HSPG2: variants seen among roughly 807,000 people sequenced by gnomAD.
The protein encoded by HSPG2 is basement membrane-specific heparan sulfate proteoglycan core protein.
HSPG2 carries 278 observed loss-of-function variants against 526.6 expected under a neutral mutation model. The observed-to-expected ratio is 0.53, with a 90% CI of 0.48 to 0.58. HSPG2 has a LOEUF of 0.58. Ranked by LOEUF, HSPG2 falls within the 20% of genes least tolerant of loss-of-function variation. The probability of loss-of-function intolerance (pLI) is 0.00; values close to 1 mark genes in which losing one functional copy is unlikely to be tolerated. For missense variants in HSPG2, 5,354 were observed against 6,099.5 expected (o/e 0.88, Z 4.07); for synonymous variants, 2,465 against 2,555.4 (o/e 0.96, Z 1.07).
chr1:21,865,573 G>C lies in HSPG2; in HGVS notation c.4314+144C>G, dbSNP rs1450490092. 1 of 875,600 alleles carries C rather than the reference G, an allele frequency of 1.1e-6. No homozygotes were observed. The highest frequency in any genetic ancestry group is 1.9e-6 in the Non-Finnish European group (1 of 522,196). The allele number at this position is 875,600 out of a possible 1,614,324, so 54.2% of individuals were successfully genotyped here. On this transcript the variant is annotated intron_variant, in intron 34 of 96. Transcript: ENST00000374695. This position sits in a 1 kb window ranked among gnomAD's most constrained non-coding sequence, Gnocchi z 5.4. ...TGCTTGGGTAGTGTCCAACCAGGCA[G>C]GGATGTGGGGGCATGGGCCTAACTC...
Position 21,855,965 on chromosome 1 carries a change from T to C in HSPG2, c.5576-53A>G, listed in dbSNP as rs1203880410. Reference sequence around the variant, plus strand: ...CTCAGGGTGGGGAGTGTCGTCTGACTCACACAACAGTCCTGCTGCCTACTT... The same window carrying C: ...CTCAGGGTGGGGAGTGTCGTCTGACCCACACAACAGTCCTGCTGCCTACTT... On this transcript the variant is annotated intron_variant, in intron 44 of 96. Transcript: ENST00000374695. 2.5e-6 allele frequency: 4 copies of C among 1,596,408 alleles called. No individual in the cohort carries two copies. In the Admixed American group the frequency reaches 6.7e-5, roughly 27 times the overall value.
At chr1:21,930,739 A>C (rs1439689901) in intron 1 of HSPG2, among the ~76,000 whole-genome samples, 1 of 151,534 alleles carries the variant, frequency 6.6e-6, no homozygotes, top group Non-Finnish European at 1.5e-5. Flanking sequence ...ATACCACTGC[A>C]CTCTAGCCTG....
chr1:21,927,295 G>A (rs1191100714), intron 1 of HSPG2, among the ~76,000 whole-genome samples: 1 of 152,176 alleles, frequency 6.6e-6, no homozygotes, highest in Non-Finnish European at 1.5e-5. Flanking sequence ...CTACCCAACA[G>A]CCCAAGCCCA....
At position 21,828,821 on chromosome 1, in the gene HSPG2, G is replaced by C; in HGVS notation, c.12237+14C>G. The stretch of plus-strand genomic sequence containing the variant: ...CCCCTCCCCTCCCGCTTGTCCCGAG[G>C]AGGCTGCTCTTACCTCGCCCACACA... On this transcript the variant is annotated intron_variant, in intron 88 of 96. Coordinates refer to ENST00000374695, the MANE Select transcript of HSPG2 (RefSeq NM_005529.7). This position sits in a 1 kb window ranked among gnomAD's most constrained non-coding sequence, Gnocchi z 6.0. The C allele has an allele frequency of 1.3e-6, 2 of 1,550,522 alleles. No individual in the cohort carries two copies. The highest frequency in any genetic ancestry group is 1.7e-6 in the Non-Finnish European group (2 of 1,146,940).
At chr1:21,826,435 C>T (rs1572136268) in intron 91 of HSPG2, among the ~76,000 whole-genome samples, 2 of 152,000 alleles carry the variant, frequency 1.3e-5, no homozygotes, top group East Asian at 3.9e-4. Flanking sequence ...AACTCCTGGG[C>T]TCAAGCAATC....
chr1:21,909,511 A>G (rs1390232461), intron 1 of HSPG2, among the ~76,000 whole-genome samples: 2 of 152,252 alleles, frequency 1.3e-5, no homozygotes, highest in Non-Finnish European at 2.9e-5. Context: ...AAAAAGCACA[A>G]CTATCCCTGA....
At chr1:21,874,110 C>CA in intron 28 of HSPG2, 99 bp from the exon 29 acceptor site, 1 of 994,136 alleles carries the variant, frequency 1.0e-6, no homozygotes, top group South Asian at 1.5e-5. Flanking sequence ...GAAGAACAGG[C>CA]ATGTGAACTC....
In HSPG2 at chr1:21,832,503, G is replaced by A. The variant is rs150968006; in HGVS notation, c.11199C>T (p.Pro3733=). 6.8e-6 allele frequency: 11 copies of A among 1,613,804 alleles called. No individual in the cohort carries two copies. The highest frequency in any genetic ancestry group is 2.7e-5 in the African/African-American group (2 of 74,912). The change falls in exon 81 of 97, where the codon CCC becomes CCT. Residue 3733 remains proline, a synonymous_variant. Coordinates refer to ENST00000374695, the MANE Select transcript of HSPG2 (RefSeq NM_005529.7). The stretch of plus-strand genomic sequence containing the variant: ...GAGGCTGGGGGTCTCACCGGAACTC[G>A]GGCCTTCCCCCCACGAGGCCGAAGG... ...FISFGLVGGR[P]EFRFDAGSGM...
rs1557771292 is a variant in HSPG2 at position 21,879,004 on chromosome 1, C to A, written c.2461G>T (p.Ala821Ser). 6.2e-7 allele frequency: 1 copy of A among 1,613,884 alleles called. No homozygotes were observed. ...CRPCPCPYID[A>S]SRRFSDTCFL... Reference sequence around the variant, plus strand: ...GGAGCTGGGGCTGACCTGCGGGAGGCATCGATGTATGGGCAAGGGCAGGGC... The same window carrying A: ...GGAGCTGGGGCTGACCTGCGGGAGGAATCGATGTATGGGCAAGGGCAGGGC... The change falls in exon 18 of 97, where the codon GCC (alanine) becomes TCC (serine). Residue 821 changes from alanine to serine, a missense_variant. By Grantham distance (99) the Ala-to-Ser change is moderately conservative (BLOSUM62 1). Coordinates refer to ENST00000374695, the MANE Select transcript of HSPG2 (RefSeq NM_005529.7).
chr1:21,900,485 A>G (rs1361197241), intron 1 of HSPG2, among the ~76,000 whole-genome samples: 1 of 152,142 alleles, frequency 6.6e-6, no homozygotes, highest in Admixed American at 6.5e-5. Flanking sequence ...TCCAGGTCCA[A>G]GTTGTGTCAT....
chr1:21,874,569 C>T (rs753642989), intron 27 of HSPG2, 36 bp from the exon 28 acceptor site: 1 of 1,613,782 alleles, frequency 6.2e-7, no homozygotes, highest in African/African-American at 1.3e-5. Flanking sequence ...GCTGGGCCTC[C>T]AGAGGCCACA....
chr1:21,825,543 C>G (rs1480322020), intron 91 of HSPG2, among the ~76,000 whole-genome samples: 1 of 152,156 alleles, frequency 6.6e-6, no homozygotes, highest in Non-Finnish European at 1.5e-5. Context: ...TCCACACCCC[C>G]CCAGCCCTAT....
In HSPG2 at chr1:21,839,171, T is replaced by C; in HGVS notation, c.9890-86A>G. On this transcript the variant is annotated intron_variant, in intron 73 of 96. Coordinates refer to ENST00000374695, the MANE Select transcript of HSPG2 (RefSeq NM_005529.7). The surrounding 1 kb of genome is among the most constrained non-coding windows in gnomAD (Gnocchi z 4.5). ...CGTTGGATCCAGTGTCCAGGGAAGC[T>C]GAATGGTGAGCCCAGAGGACTGGGG... 1 of 1,515,964 alleles carries C rather than the reference T, an allele frequency of 6.6e-7. No individual in the cohort carries two copies. Among genetic ancestry groups the C allele is most frequent in the South Asian group, 1.3e-5 (1 of 78,824 alleles). 93.9% of individuals were successfully genotyped at this position (1,515,964 alleles called of 1,614,324 possible).
intron 33 of HSPG2, among the ~76,000 whole-genome samples, chr1:21,866,666 C>T (rs1399908854): frequency 6.6e-6 from 1 of 152,194 alleles, no homozygotes; most frequent in Admixed American, 6.5e-5. Flanking sequence ...CTGGGGAGTC[C>T]TTACTTCTGC....
At chr1:21,933,686 G>C (rs960573081) in intron 1 of HSPG2, among the ~76,000 whole-genome samples, 3 of 152,242 alleles carry the variant, frequency 2.0e-5, no homozygotes, top group Non-Finnish European at 4.4e-5. Flanking sequence ...ATGGGCCTAA[G>C]GGATGGGGGG....
At chr1:21,880,027 C>T in intron 17 of HSPG2, 80 bp downstream of exon 17, 5 of 1,520,528 alleles carry the variant, frequency 3.3e-6, no homozygotes, top group Non-Finnish European at 4.6e-6. Context: ...GAGGCTTGTG[C>T]TGAGCTCATG....
Position 21,842,935 on chromosome 1 carries a change from G to C in HSPG2, c.8759-14C>G, listed in dbSNP as rs772220396. ...CCAGTCCTGGAGCTGTGGGCACAGG[G>C]GGTGGGTGAGAGAGGCCAGGCTCCG... On this transcript the variant is annotated splice_polypyrimidine_tract_variant and intron_variant, in intron 66 of 96. Coordinates refer to ENST00000374695, the MANE Select transcript of HSPG2 (RefSeq NM_005529.7). 4 of 1,613,998 alleles carry C rather than the reference G, an allele frequency of 2.5e-6. No homozygotes were observed. In the South Asian group the frequency reaches 3.3e-5, roughly 13 times the overall value.
chr1:21,841,352 C>G, intron 70 of HSPG2, 67 bp from the exon 71 acceptor site: 1 of 1,599,146 alleles, frequency 6.3e-7, no homozygotes. Context: ...ACTGCCATGG[C>G]CTCCAGCTTA....
rs746255077 is a variant in HSPG2 at position 21,875,870 on chromosome 1, A to C, written c.3176T>G (p.Phe1059Cys). 6.2e-7 allele frequency: 1 copy of C among 1,614,040 alleles called. No homozygotes were observed. Among genetic ancestry groups the C allele is most frequent in the East Asian group, 2.2e-5 (1 of 44,882 alleles). The change falls in exon 24 of 97, where the codon TTC becomes TGC. Residue 1059 changes from phenylalanine to cysteine, a missense_variant. By Grantham distance (205) the Phe-to-Cys change is radical. Transcript: ENST00000374695. ...GGGGACAGTATTGCTCACCTCCCGG[A>C]AAGGCACAATGAAGGTGCTGGGCTG... ...PGQPSTFIVP[F>C]REQAWQRPDG...
Sources: gnomAD v4.1 joint callset for allele counts (sites outside exome capture counted in the v4.1 genomes callset) on GRCh38, gnomAD v4.1.1 for gene constraint, Gnocchi (gnomAD v3.1) non-coding constraint, MANE v1.5 for transcripts, NCBI Gene and HGNC (gene_info 2026-07-23, HGNC 2026-07-21) for gene names.